Variants in PRDM11 observed in about 807,000 individuals in gnomAD.
PRDM11 encodes PR/SET domain 11.
PRDM11 carries 20 observed loss-of-function variants against 97.8 expected under a neutral mutation model. That is an observed-to-expected ratio of 0.20 (90% CI 0.14 to 0.30). The LOEUF is 0.30. Ranked by LOEUF, PRDM11 falls within the 10% of genes least tolerant of loss-of-function variation. The pLI is 1.00. For synonymous variants in PRDM11, 599 were observed against 637.7 expected (o/e 0.94, Z 0.91); for missense variants, 1,139 against 1,555.2 (o/e 0.73, Z 4.50).
At chr11:45,144,579 C>T (rs185890889), upstream of PRDM11, among the ~76,000 whole-genome samples, 11 of 152,224 alleles carry the variant, frequency 7.2e-5, no homozygotes, top group Non-Finnish European at 1.5e-4. Context: ...GACCACTCCC[C>T]TCCTTTATCT....
chr11:45,163,213 A>G (rs1851973940), intron 1 of PRDM11, among the ~76,000 whole-genome samples: 2 of 152,326 alleles, frequency 1.3e-5, no homozygotes, highest in Admixed American at 1.3e-4. Flanking sequence ...GGGGAGCCAG[A>G]GGGTCTGAAG....
In PRDM11 at chr11:45,230,331, C is replaced by T. The variant is rs1854376083; in HGVS notation, c.*2172C>T. ...CCACCCCAGTTGCACACATGCTTCC[C>T]TACCCTCCTCTGAGCAAGAAGACAG... On this transcript the variant is annotated 3_prime_UTR_variant, in exon 8 of 8. Transcript: ENST00000683152. 1 of 152,100 alleles carries T rather than the reference C, an allele frequency of 6.6e-6. No homozygotes were observed. The highest frequency in any genetic ancestry group is 2.4e-5 in the African/African-American group (1 of 41,402). The allele number at this position is 152,100 out of a possible 1,614,324, so 9.4% of individuals were successfully genotyped here.
intron 4 of PRDM11, among the ~76,000 whole-genome samples, chr11:45,184,724 A>G (rs1006534620): frequency 2.0e-5 from 3 of 152,268 alleles, no homozygotes; most frequent in African/African-American, 7.2e-5. Flanking sequence ...GTTTGGAGTA[A>G]CAACAAGATA....
intron 1 of PRDM11, among the ~76,000 whole-genome samples, chr11:45,098,713 C>T (rs1052229566): frequency 6.6e-6 from 1 of 152,086 alleles, no homozygotes; most frequent in Admixed American, 6.5e-5. Context: ...AGGAGTGACA[C>T]CTGGGTTGTA....
At chr11:45,106,837 C>G (rs954097040) in intron 1 of PRDM11, among the ~76,000 whole-genome samples, 1 of 152,204 alleles carries the variant, frequency 6.6e-6, no homozygotes, top group Non-Finnish European at 1.5e-5. Flanking sequence ...TACAGAGCAT[C>G]TTCTGCCATA....
intron 4 of PRDM11, among the ~76,000 whole-genome samples, chr11:45,188,087 T>C (rs1320105172): frequency 6.6e-6 from 1 of 152,130 alleles, no homozygotes; most frequent in East Asian, 1.9e-4. Flanking sequence ...CTGCAAAAGC[T>C]CTGGCCCCCA....
At chr11:45,134,704 A>G (rs1203283134) in intron 1 of PRDM11, among the ~76,000 whole-genome samples, 2 of 68,106 alleles carry the variant, frequency 2.9e-5, no homozygotes, top group South Asian at 1.0e-3. Flanking sequence ...GTCTCACGAA[A>G]AAAAAAAAAA....
chr11:45,213,737 G>C (rs1399596765), intron 5 of PRDM11: 1 of 456,470 alleles, frequency 2.2e-6, no homozygotes, highest in South Asian at 1.5e-5. Flanking sequence ...AGCCAAGTCA[G>C]GTATTATTAT....
chr11:45,123,888 A>G (rs1038604410), intron 1 of PRDM11, among the ~76,000 whole-genome samples: 1 of 147,960 alleles, frequency 6.8e-6, no homozygotes, highest in Non-Finnish European at 1.5e-5. Flanking sequence ...GAAGAAAGTC[A>G]TTGGTAGCTT....
chr11:45,173,367 A>G (rs569992461), intron 1 of PRDM11, among the ~76,000 whole-genome samples: 76 of 152,260 alleles, frequency 5.0e-4, no homozygotes, highest in African/African-American at 1.6e-3. Context: ...CACGCCTGTA[A>G]TCCCAGCACT....
Position 45,226,561 on chromosome 11 carries a change from G to A in PRDM11, c.1936G>A (p.Glu646Lys). Residue 646 changes from glutamate to lysine, a missense_variant, in exon 8 of 8, where the codon GAA (glutamate) becomes AAA (lysine). Around this residue, in one of 2 missense-constraint regions of PRDM11, gnomAD observed 710 missense variants for 1,044.9 expected, o/e 0.68. Coordinates refer to ENST00000683152, the MANE Select transcript of PRDM11 (RefSeq NM_001384648.1). ...CCATCACATCGCCCGGGCCCTGCGG[G>A]AAGACCTGGTGGAGCGCATCCGCCA... The part of the protein sequence containing the change: ...LIHHIARALR[E>K]DLVERIRQSP... 2 of 1,533,942 alleles carry A rather than the reference G, an allele frequency of 1.3e-6. No homozygotes were observed. The highest frequency in any genetic ancestry group is 1.2e-5 in the South Asian group (1 of 83,968).
rs557394414 is a variant in PRDM11, at chr11:45,177,766, C to T, written c.-6-3995C>T. On this transcript the variant is annotated intron_variant, in intron 1 of 7. Transcript: ENST00000683152. The stretch of plus-strand genomic sequence containing the variant: ...AGGACTCGGTAACTCATTATGTTTC[C>T]CTTTATGCTTTGGCTGCCAGGAGGC... Among the ~76,000 whole-genome samples, 10 of 152,228 alleles carry T rather than the reference C, an allele frequency of 6.6e-5. 1 individual carries two copies. Among genetic ancestry groups the T allele is most frequent in the African/African-American group, 2.4e-4 (10 of 41,536 alleles).
intron 5 of PRDM11, among the ~76,000 whole-genome samples, chr11:45,212,172 G>A (rs536567682): frequency 1.3e-5 from 2 of 152,218 alleles, no homozygotes; most frequent in South Asian, 4.1e-4. Context: ...GTCAGGAGCT[G>A]CTGGGTTGGC....
At position 45,121,361 on chromosome 11, in the gene PRDM11, A is replaced by G. The variant is rs551922278; in HGVS notation, c.96+25460A>G. On this transcript the variant is annotated intron_variant, in intron 1 of 6. Coordinates refer to the PRDM11 transcript ENST00000530656. ...ATTAACAAAAAGCTGGTGTGGTTATATTACTATCTGATAAAGTAGACTTAA... is the reference window on the plus strand; with the variant it reads ...ATTAACAAAAAGCTGGTGTGGTTATGTTACTATCTGATAAAGTAGACTTAA... 2.0e-5 allele frequency among the ~76,000 whole-genome samples: 3 copies of G among 152,306 alleles called. No homozygotes were observed. The East Asian group carries it at 5.8e-4, about 29-fold the overall frequency.
chr11:45,099,273 T>A (rs1851932061), intron 1 of PRDM11, among the ~76,000 whole-genome samples: 1 of 151,932 alleles, frequency 6.6e-6, no homozygotes, highest in African/African-American at 2.4e-5. Context: ...GACAACACAG[T>A]GAAACGCTGT....
At chr11:45,127,130 A>G (rs1852592776) in intron 1 of PRDM11, among the ~76,000 whole-genome samples, 1 of 152,162 alleles carries the variant, frequency 6.6e-6, no homozygotes, top group East Asian at 1.9e-4. Flanking sequence ...TAATCACGTC[A>G]GCTCCTGAGG....
At chr11:45,157,046 G>C (rs1439688654) in intron 1 of PRDM11, among the ~76,000 whole-genome samples, 2 of 152,116 alleles carry the variant, frequency 1.3e-5, no homozygotes, top group Non-Finnish European at 2.9e-5. Context: ...ACTTTGCCCT[G>C]GAGGCACGGG....
chr11:45,107,328 A>C (rs1194335593), intron 1 of PRDM11, among the ~76,000 whole-genome samples: 1 of 152,164 alleles, frequency 6.6e-6, no homozygotes, highest in Non-Finnish European at 1.5e-5. Flanking sequence ...CACCTGCAAA[A>C]CGGGGCTAAT....
chr11:45,170,715 CTTATG>C (rs1158675435), intron 1 of PRDM11, among the ~76,000 whole-genome samples: 2 of 152,156 alleles, frequency 1.3e-5, no homozygotes, highest in South Asian at 2.1e-4. Context: ...CTTGACCTGC[CTTATG>C]TTATAACAGG....
Sources: gnomAD v4.1 joint callset for allele counts (sites outside exome capture counted in the v4.1 genomes callset) on GRCh38, gnomAD v4.1.1 for gene constraint, gnomAD v4.1.1 regional missense constraint, MANE v1.5 for transcripts, NCBI Gene and HGNC (gene_info 2026-07-23, HGNC 2026-07-21) for gene names.